The following RNF25 variants were observed in gnomAD, a reference collection of about 807,000 sequenced individuals.
RNF25 encodes E3 ubiquitin-protein ligase RNF25.
In RNF25, 32 loss-of-function variants were observed where a neutral mutation model predicts 65.0. The ratio of observed to expected loss-of-function variants is 0.49; its 90% CI spans 0.37 to 0.66. The LOEUF (loss-of-function observed/expected upper bound fraction) is 0.66, where lower values mean the gene tolerates loss of function less well. RNF25 is among the 30% of genes least tolerant of loss of function. RNF25 has a pLI of 0.00. For synonymous variants in RNF25, 207 were observed against 221.2 expected (o/e 0.94, Z 0.57); for missense variants, 493 against 584.8 (o/e 0.84, Z 1.62).
intron 5 of RNF25, 135 bp from the exon 6 acceptor site, chr2:218,666,365 T>C (rs1939826961): frequency 5.8e-6 from 4 of 684,900 alleles, no homozygotes; most frequent in Non-Finnish European, 7.7e-6. Flanking sequence ...TATGCATTTC[T>C]GGCTTGGTGA....
At position 218,668,152 on chromosome 2, in the gene RNF25, G is replaced by T. The variant is rs377175164; in HGVS notation, c.220-6C>A. 6.2e-7 allele frequency: 1 copy of T among 1,614,074 alleles called. No homozygotes were observed. The highest frequency in any genetic ancestry group is 1.1e-5 in the South Asian group (1 of 91,074). On this transcript the variant is annotated splice_region_variant and splice_polypyrimidine_tract_variant and intron_variant, in intron 3 of 9. Coordinates refer to ENST00000295704, the MANE Select transcript of RNF25 (RefSeq NM_022453.3). The stretch of plus-strand genomic sequence containing the variant: ...TGTGGCACCTCATGGGGATACTAGT[G>T]GGGGCAAATAACAAGTTACTGCTGA...
intron 1 of RNF25, among the ~76,000 whole-genome samples, chr2:218,671,407 TAAG>T (rs1292676218): frequency 6.6e-6 from 1 of 152,176 alleles, no homozygotes; most frequent in Non-Finnish European, 1.5e-5. Flanking sequence ...AGTCTTTGGT[TAAG>T]AATGCTTGAG....
intron 1 of RNF25, among the ~76,000 whole-genome samples, chr2:218,669,185 C>A (rs1939897554): frequency 1.3e-5 from 2 of 152,202 alleles, no homozygotes; most frequent in Non-Finnish European, 2.9e-5. Context: ...AACCTCAACA[C>A]AACATATTTA....
chr2:218,664,477 G>A lies in RNF25; in HGVS notation c.860C>T (p.Pro287Leu). Reference protein sequence around the residue: ...AVDVSKGSQPPSTLAAELSTS... With the variant: ...AVDVSKGSQPLSTLAAELSTS... ...GGATAGTTCTGCTGCAAGGGTGCTG[G>A]GTGGTTGGGATCCTTTGGAGACATC... is the stretch of plus-strand genomic sequence containing the variant. The change falls in exon 10 of 10, where the codon CCC becomes CTC. Residue 287 changes from proline (P) to leucine (L), a missense_variant. Physicochemically the swap from Pro to Leu is moderately conservative, Grantham distance 98. This residue lies in a region of RNF25 where 351 missense variants were observed against 400.2 expected (regional missense o/e 0.88). Transcript: ENST00000295704. The surrounding 1 kb of genome is among the most constrained non-coding windows in gnomAD (Gnocchi z 5.1). The A allele has an allele frequency of 1.9e-6, 3 of 1,614,110 alleles. No individual in the cohort carries two copies. The highest frequency in any genetic ancestry group is 1.7e-6 in the Non-Finnish European group (2 of 1,180,032).
At chr2:218,670,695 CAA>C (rs34923737) in intron 1 of RNF25, among the ~76,000 whole-genome samples, 288 of 32,310 alleles carry the variant, frequency 8.9e-3, no homozygotes, top group African/African-American at 0.023. Context: ...GACTCCGTCT[CAA>C]AAAAAAAAAA....
chr2:218,671,060 C>T (rs189517888), intron 1 of RNF25, among the ~76,000 whole-genome samples: 69 of 152,234 alleles, frequency 4.5e-4, no homozygotes, highest in African/African-American at 1.5e-3. Context: ...GTAGTCTCAG[C>T]TACTCGGAAG....
chr2:218,666,012 G>A lies in RNF25; in HGVS notation c.477C>T (p.Cys159=). The A allele has an allele frequency of 6.2e-7, 1 of 1,614,168 alleles. No individual in the cohort carries two copies. The highest frequency in any genetic ancestry group is 8.5e-7 in the Non-Finnish European group (1 of 1,180,016). ...GCTGGATGTACCGAGCAAGGCAGTG[G>A]CAGTGGAAGTAGTGGTAACAGGGTG... ...TKTPCYHYFH[C]HCLARYIQHM... Residue 159 remains cysteine, a synonymous_variant, in exon 7 of 10, where the codon TGC becomes TGT. Transcript: ENST00000295704.
chr2:218,665,004 C>T (rs1939790359), intron 8 of RNF25, 131 bp from the exon 9 acceptor site: 1 of 1,469,370 alleles, frequency 6.8e-7, no homozygotes, highest in Non-Finnish European at 9.3e-7. Flanking sequence ...GAGTCTTAGG[C>T]TCCCGCCAGT....
At chr2:218,666,888 G>C (rs1939835499) in intron 5 of RNF25, among the ~76,000 whole-genome samples, 2 of 152,166 alleles carry the variant, frequency 1.3e-5, no homozygotes, top group African/African-American at 4.8e-5. Flanking sequence ...ACTAAGAGAG[G>C]CTGGGCGTGG....
chr2:218,663,974 A>G lies in RNF25; in HGVS notation c.1363T>C (p.Ser455Pro), dbSNP rs375274787. 6.9e-7 allele frequency: 1 copy of G among 1,449,818 alleles called. No homozygotes were observed. The highest frequency in any genetic ancestry group is 2.4e-5 in the East Asian group (1 of 41,878). The allele number at this position is 1,449,818 out of a possible 1,614,324, so 89.8% of individuals were successfully genotyped here. A position where few individuals can be genotyped will look rare whatever the true frequency, so the allele number is the denominator to read the frequency against. The stretch of plus-strand genomic sequence containing the variant: ...AAGTCCTGCTAGGAACCATCCTTAG[A>G]TTCCAGGCCCAGGGACTCCCTCCGA... The part of the protein sequence containing the change: ...GTRRESLGLE[S>P]KDGS Residue 455 changes from serine to proline, a missense_variant, in exon 10 of 10, where the codon TCT becomes CCT. By Grantham distance (74) the Ser-to-Pro change is moderately conservative. Transcript: ENST00000295704.
chr2:218,666,443 G>A (rs1939827748), intron 5 of RNF25, among the ~76,000 whole-genome samples: 1 of 152,020 alleles, frequency 6.6e-6, no homozygotes, highest in Non-Finnish European at 1.5e-5. Flanking sequence ...GATCTTCCTG[G>A]TTTCAAAATT....
intron 1 of RNF25, 118 bp from the exon 2 acceptor site, chr2:218,668,797 T>G (rs934387772): frequency 2.8e-6 from 2 of 715,222 alleles, no homozygotes; most frequent in African/African-American, 3.5e-5. Context: ...ATTCTCCTGC[T>G]AAACTCCTTA....
At position 218,666,198 on chromosome 2, in the gene RNF25, G is replaced by A. The variant is rs762248120; in HGVS notation, c.390C>T (p.Ile130=). ...GGCAGATGACACACTGGCCATGAGG[G>A]ATGTTGTTATCTGTGAGAATTTCCT... The part of the protein sequence containing the change: ...KGKEILTDNN[I]PHGQCVICLY... Residue 130 remains isoleucine (I), a synonymous_variant, in exon 6 of 10, where the codon ATC becomes ATT. Transcript: ENST00000295704. 1 of 1,613,966 alleles carries A rather than the reference G, an allele frequency of 6.2e-7. No homozygotes were observed. The highest frequency in any genetic ancestry group is 1.3e-5 in the African/African-American group (1 of 74,922).
intron 8 of RNF25, 48 bp downstream of exon 8, chr2:218,665,107 T>C (rs568383750): frequency 7.0e-6 from 11 of 1,581,086 alleles, no homozygotes; most frequent in African/African-American, 1.3e-5. Flanking sequence ...CCTTACTCTT[T>C]AGAAAATACC....
At position 218,664,614 on chromosome 2, in the gene RNF25, T is replaced by G. The variant is rs1239581512; in HGVS notation, c.802-79A>C. ...AACTACAGGCCCCTCTCCTACTATC[T>G]GGGCTGACCACGATCAGCCTATCAT... On this transcript the variant is annotated intron_variant, in intron 9 of 9. Transcript: ENST00000295704. The surrounding 1 kb of genome is among the most constrained non-coding windows in gnomAD (Gnocchi z 5.1). The G allele has an allele frequency of 1.9e-6, 3 of 1,576,754 alleles. No individual in the cohort carries two copies. In the Admixed American group the frequency reaches 5.2e-5, roughly 27 times the overall value.
chr2:218,667,137 C>T (rs942140507), intron 5 of RNF25, among the ~76,000 whole-genome samples: 22 of 147,626 alleles, frequency 1.5e-4, no homozygotes, highest in Non-Finnish European at 2.4e-4. Flanking sequence ...CACTGCACTC[C>T]AGCCTGGGTG....
Position 218,671,957 on chromosome 2 carries a change from G to C in RNF25, c.14C>G (p.Ala5Gly). The change falls in exon 1 of 10, where the codon GCG becomes GGG. Residue 5 changes from alanine (A) to glycine (G), a missense_variant. Around this residue, in one of 3 missense-constraint regions of RNF25, gnomAD observed 34 missense variants for 18.6 expected, o/e 1.83. Coordinates refer to ENST00000295704, the MANE Select transcript of RNF25 (RefSeq NM_022453.3). ...GTCCTCCTCCCCTGCAGCTGCAGAC[G>C]CAGACGCCGCCATATCTTCACCGGC... is the stretch of plus-strand genomic sequence containing the variant. MAASASAAAGEEDWV... is the reference protein window; with the variant it reads MAASGSAAAGEEDWV... The C allele has an allele frequency of 1.9e-6, 3 of 1,614,188 alleles. No homozygotes were observed. The highest frequency in any genetic ancestry group is 2.5e-6 in the Non-Finnish European group (3 of 1,180,024).
intron 8 of RNF25, 53 bp downstream of exon 8, chr2:218,665,102 C>G: frequency 6.4e-7 from 1 of 1,570,922 alleles, no homozygotes; most frequent in Non-Finnish European, 8.8e-7. Flanking sequence ...CCATTCCTTA[C>G]TCTTTAGAAA....
At position 218,668,667 on chromosome 2, in the gene RNF25, A is replaced by G; in HGVS notation, c.54T>C (p.Ser18=). Reference sequence around the variant, plus strand: ...AGATGGACTCCAATACTTCAACTTCAGAGGGAAGGACCCTAGAGAGACAGG... The same window carrying G: ...AGATGGACTCCAATACTTCAACTTCGGAGGGAAGGACCCTAGAGAGACAGG... ...AAGEEDWVLP[S]EVEVLESIYL... Residue 18 remains serine, a synonymous_variant, in exon 2 of 10, where the codon TCT becomes TCC. Coordinates refer to ENST00000295704, the MANE Select transcript of RNF25 (RefSeq NM_022453.3). 6.2e-7 allele frequency: 1 copy of G among 1,609,402 alleles called. No individual in the cohort carries two copies.
Sources: allele counts gnomAD v4.1 joint callset (sites outside exome capture counted in the v4.1 genomes callset), GRCh38; gene constraint gnomAD v4.1.1; regional missense constraint gnomAD v4.1.1; non-coding constraint Gnocchi (gnomAD v3.1); transcripts MANE v1.5; gene names NCBI Gene and HGNC (gene_info 2026-07-23, HGNC 2026-07-21).